The following ROS1 variants were observed in gnomAD, a reference collection of about 807,000 sequenced individuals.
The protein encoded by ROS1 is ROS proto-oncogene 1, receptor tyrosine kinase, also known as proto-oncogene tyrosine-protein kinase ROS.
Under a neutral mutation model 273.5 loss-of-function variants are expected in ROS1, and 263 were observed. The ratio of observed to expected loss-of-function variants is 0.96; its 90% CI spans 0.87 to 1.06. The LOEUF is 1.06. ROS1 is among the 50% of genes least tolerant of loss of function. ROS1 has a pLI of 0.00. For synonymous variants in ROS1, 1,008 were observed against 954.1 expected, an observed-to-expected ratio of 1.06 and a Z score of -1.04; for missense variants, 2,833 against 2,751.1, an observed-to-expected ratio of 1.03 and a Z score of -0.67.
rs3836983 is a variant in ROS1, at chr6:117,414,553, GAA to G, written c.229-10_229-9del. On this transcript the variant is annotated splice_polypyrimidine_tract_variant and intron_variant, in intron 3 of 43. Transcript: ENST00000368507. ...GGTGGCATAAGTATCATTCTGCATA[GAA>G]AAAAAAAAAGACTACTTAAAATCTT... The G allele has an allele frequency of 2.4e-4, 140 of 587,850 alleles. No homozygotes were observed. Among genetic ancestry groups the G allele is most frequent in the South Asian group, 6.6e-4 (33 of 50,220 alleles). 36.4% of individuals were successfully genotyped at this position (587,850 alleles called of 1,614,324 possible). A position where few individuals can be genotyped will look rare whatever the true frequency, so the allele number is the denominator to read the frequency against.
intron 33 of ROS1, chr6:117,328,797 C>T (rs774426680): frequency 4.9e-6 from 3 of 613,460 alleles, no homozygotes; most frequent in East Asian, 3.4e-5. Context: ...TTTTCATCGA[C>T]GGTGTGTTTT....
chr6:117,337,043 C>T (rs958359821), intron 32 of ROS1, 129 bp downstream of exon 32: 1 of 748,730 alleles, frequency 1.3e-6, no homozygotes, highest in African/African-American at 1.8e-5. Context: ...TTTCTTCATT[C>T]AAGTTCTAGA....
At chr6:117,316,725 C>A (rs1431744122) in intron 39 of ROS1, among the ~76,000 whole-genome samples, 1 of 152,000 alleles carries the variant, frequency 6.6e-6, no homozygotes, top group Non-Finnish European at 1.5e-5. Context: ...GTTTGAGATA[C>A]CTACTAAAAT....
chr6:117,304,975 C>T (rs1774997733), intron 42 of ROS1, among the ~76,000 whole-genome samples: 3 of 152,116 alleles, frequency 2.0e-5, no homozygotes, highest in Admixed American at 1.3e-4. Flanking sequence ...CCCCTTCACC[C>T]TCTGCCATGA....
rs1410455481 is a variant in ROS1, at chr6:117,314,079, T to C, written c.6118-2962A>G. ...CCACTTTTTTTTTCAGTCCATCCTT[T>C]TTCATCCTCTCTTCACTTTTCATAC... is the stretch of plus-strand genomic sequence containing the variant. On this transcript the variant is annotated intron_variant, in intron 39 of 43. Coordinates refer to ENST00000368507, the MANE Select transcript of ROS1 (RefSeq NM_001378902.1). Among the ~76,000 whole-genome samples the C allele has an allele frequency of 3.3e-5, 5 of 152,154 alleles. No homozygotes were observed. The East Asian group carries it at 9.7e-4, about 29-fold the overall frequency.
rs1776234885 is a variant in ROS1 at position 117,320,764 on chromosome 6, T to C, written c.5759+495A>G. Among the ~76,000 whole-genome samples the C allele has an allele frequency of 2.6e-5, 4 of 152,180 alleles. No individual in the cohort carries two copies. The South Asian group carries it at 8.3e-4, about 32-fold the overall frequency. On this transcript the variant is annotated intron_variant, in intron 36 of 43. Coordinates refer to ENST00000368507, the MANE Select transcript of ROS1 (RefSeq NM_001378902.1). ...CCTTTTTGCATAGATCCTAATATAA[T>C]GAACCTTTGCATAAGACACTTGAAT...
In ROS1 at chr6:117,362,754, C is replaced by T. The variant is rs61729673; in HGVS notation, c.3215G>A (p.Gly1072Glu). 8 of 1,613,606 alleles carry T rather than the reference C, an allele frequency of 5.0e-6. No individual in the cohort carries two copies. In the African/African-American group the frequency reaches 1.1e-4, roughly 22 times the overall value. Residue 1072 changes from glycine (G) to glutamate (E), a missense_variant, in exon 22 of 44, where the codon GGG (glycine) becomes GAG (glutamate). Coordinates refer to ENST00000368507, the MANE Select transcript of ROS1 (RefSeq NM_001378902.1). ...GAAAATTTCAAATTTTGTTAACACC[C>T]CATTTTCATGCTTAGGTTTGTTCCA... is the stretch of plus-strand genomic sequence containing the variant. ...FRWNKPKHEN[G>E]VLTKFEIFYN...
intron 32 of ROS1, among the ~76,000 whole-genome samples, chr6:117,331,852 G>A (rs1424908087): frequency 2.0e-5 from 3 of 152,070 alleles, no homozygotes; most frequent in African/African-American, 4.8e-5. Flanking sequence ...CACTAAATAT[G>A]GAAAGGAAAA....
chr6:117,404,402 AGGGAGCAGTTGGTAGGTCTGCATTTTCTG>A lies in ROS1; in HGVS notation c.317-3_342del, dbSNP rs1774225418. 6.2e-7 allele frequency: 1 copy of A among 1,613,798 alleles called. No individual in the cohort carries two copies. The highest frequency in any genetic ancestry group is 1.3e-5 in the African/African-American group (1 of 74,932). On this transcript the variant is annotated splice_acceptor_variant and splice_polypyrimidine_tract_variant and coding_sequence_variant and intron_variant, in exon 6 of 44. Transcript: ENST00000368507. LOFTEE classifies it high-confidence loss of function. ...TTGTGGCTTCCAATGGAAGAAGCAA[AGGGAGCAGTTGGTAGGTCTGCATTTTCTG>A]GGGAAAAAACAAGATTTCACTCACC...
intron 35 of ROS1, among the ~76,000 whole-genome samples, 157 bp downstream of exon 35, chr6:117,324,175 G>A (rs1053436248): frequency 6.6e-6 from 1 of 152,154 alleles, no homozygotes; most frequent in Admixed American, 6.5e-5. Context: ...ACAGAAGTTA[G>A]TGGTTATAAA....
At chr6:117,300,118 T>G (rs1774595457) in intron 43 of ROS1, among the ~76,000 whole-genome samples, 1 of 137,790 alleles carries the variant, frequency 7.3e-6, no homozygotes, top group African/African-American at 2.7e-5. Context: ...TTTTTTGTAT[T>G]TTTTTTGTAT....
At chr6:117,342,830 A>G (rs1323373092) in intron 28 of ROS1, among the ~76,000 whole-genome samples, 2 of 152,180 alleles carry the variant, frequency 1.3e-5, no homozygotes, top group Non-Finnish European at 2.9e-5. Context: ...TTTCATTAAC[A>G]TTGTATTAGA....
chr6:117,322,338 C>T (rs60688399), intron 35 of ROS1, among the ~76,000 whole-genome samples: 2,206 of 152,262 alleles, frequency 0.014, 47 homozygotes, highest in African/African-American at 0.051. Context: ...TCTGAAACCT[C>T]AGCAACCTCT....
chr6:117,425,409 C>T, intron 1 of ROS1, 125 bp downstream of exon 1: 1 of 889,534 alleles, frequency 1.1e-6, no homozygotes, highest in Non-Finnish European at 1.6e-6. Context: ...ATCTATCTTG[C>T]CTTGTTGCCA....
intron 33 of ROS1, chr6:117,328,473 C>T (rs1289254793): frequency 3.0e-6 from 1 of 332,168 alleles, no homozygotes; most frequent in Non-Finnish European, 5.7e-6. Flanking sequence ...ACAGAAACTT[C>T]AAGGAGGTTT....
Position 117,318,233 on chromosome 6 carries a change from G to A in ROS1, c.5942C>T (p.Thr1981Ile), listed in dbSNP as rs758011864. 67 of 1,612,620 alleles carry A rather than the reference G, an allele frequency of 4.2e-5. No individual in the cohort carries two copies. Among genetic ancestry groups the A allele is most frequent in the Non-Finnish European group, 5.3e-5 (62 of 1,179,138 alleles). Reference protein sequence around the residue: ...VAVKTLKKGSTDQEKIEFLKE... With the variant: ...VAVKTLKKGSIDQEKIEFLKE... ...CAGGAATTCAATCTTCTCCTGGTCT[G>A]TGGAACCCTTCTTCAAAGTCTATAC... Residue 1981 changes from threonine to isoleucine, a missense_variant, in exon 38 of 44, where the codon ACA becomes ATA. Physicochemically the swap from Thr to Ile is moderately conservative, Grantham distance 89. Coordinates refer to ENST00000368507, the MANE Select transcript of ROS1 (RefSeq NM_001378902.1).
intron 1 of ROS1, among the ~76,000 whole-genome samples, chr6:117,419,447 G>A (rs1427308359): frequency 6.6e-6 from 1 of 152,106 alleles, no homozygotes; most frequent in Admixed American, 6.6e-5. Flanking sequence ...GCATGAGTGA[G>A]GATTCCTTTA....
chr6:117,362,488 C>T, intron 22 of ROS1, 115 bp downstream of exon 22: 1 of 934,332 alleles, frequency 1.1e-6, no homozygotes, highest in Non-Finnish European at 1.5e-6. Flanking sequence ...AGTGGCCAAT[C>T]AAAATCTAGG....
At chr6:117,413,807 C>T (rs901750825) in intron 4 of ROS1, among the ~76,000 whole-genome samples, 1 of 152,014 alleles carries the variant, frequency 6.6e-6, no homozygotes, top group Admixed American at 6.6e-5. Context: ...CATGGCAAAA[C>T]CCCATCTCTA....
Sources: gnomAD v4.1 joint callset for allele counts (sites outside exome capture counted in the v4.1 genomes callset) on GRCh38, gnomAD v4.1.1 for gene constraint, MANE v1.5 for transcripts, NCBI Gene and HGNC (gene_info 2026-07-23, HGNC 2026-07-21) for gene names.